TCF7L2: variants seen among roughly 807,000 people sequenced by gnomAD.
TCF7L2 encodes the protein transcription factor 7-like 2.
TCF7L2 carries 23 observed loss-of-function variants against 77.9 expected under a neutral mutation model. The ratio of observed to expected loss-of-function variants is 0.30; its 90% confidence interval spans 0.21 to 0.42. The LOEUF is 0.42. Ranked by LOEUF, TCF7L2 falls within the 10% of genes least tolerant of loss-of-function variation. The pLI is 1.00. For missense variants in TCF7L2, 654 were observed against 793.1 expected (o/e 0.82, Z 2.11); for synonymous variants, 413 against 340.2 (o/e 1.21, Z -2.36).
chr10:113,088,495 G>C (rs1317226234), intron 5 of TCF7L2, among the ~76,000 whole-genome samples: 1 of 152,232 alleles, frequency 6.6e-6, no homozygotes, highest in Non-Finnish European at 1.5e-5. Flanking sequence ...TAGGCCGTCA[G>C]TAAACTGTAG....
chr10:113,080,011 T>A (rs12184389), intron 5 of TCF7L2, among the ~76,000 whole-genome samples: 28,977 of 151,634 alleles, frequency 0.19, 3,421 homozygotes, highest in African/African-American at 0.33. Context: ...GACCCCTGCA[T>A]CTTATGTGTG....
chr10:112,986,279 C>T (rs1253618879), intron 4 of TCF7L2, among the ~76,000 whole-genome samples: 1 of 152,124 alleles, frequency 6.6e-6, no homozygotes, highest in Non-Finnish European at 1.5e-5. Context: ...CTCTCTTCCT[C>T]TCTTGCCTTT....
At chr10:113,150,361 T>C (rs1168141219) in intron 8 of TCF7L2, among the ~76,000 whole-genome samples, 3 of 152,066 alleles carry the variant, frequency 2.0e-5, no homozygotes, top group African/African-American at 7.2e-5. Flanking sequence ...TAGAAACTTA[T>C]TTAAAATGTC....
intron 5 of TCF7L2, among the ~76,000 whole-genome samples, chr10:113,121,598 A>G (rs2064785727): frequency 6.6e-6 from 1 of 152,226 alleles, no homozygotes. Context: ...GAGGGAAAAC[A>G]CTAACACAAA....
chr10:112,989,743 G>A (rs2042193975), intron 4 of TCF7L2, among the ~76,000 whole-genome samples: 2 of 152,172 alleles, frequency 1.3e-5, no homozygotes, highest in East Asian at 1.9e-4. Flanking sequence ...CAGCGTGATA[G>A]CATTTCATTT....
At chr10:113,096,851 G>C (rs1461836067) in intron 5 of TCF7L2, among the ~76,000 whole-genome samples, 1 of 152,096 alleles carries the variant, frequency 6.6e-6, no homozygotes, top group African/African-American at 2.4e-5. Flanking sequence ...GGGGAGGGTG[G>C]GGATGGGAAA....
intron 8 of TCF7L2, among the ~76,000 whole-genome samples, chr10:113,150,213 A>G (rs1032351959): frequency 2.0e-5 from 3 of 152,212 alleles, no homozygotes; most frequent in Admixed American, 6.5e-5. Context: ...AATGATGCCT[A>G]GACAACATAT....
At chr10:113,131,161 A>AC (rs1165851991) in intron 5 of TCF7L2, among the ~76,000 whole-genome samples, 62 of 152,310 alleles carry the variant, frequency 4.1e-4, no homozygotes, top group African/African-American at 1.1e-3. Flanking sequence ...TTATTGTATG[A>AC]CCAAACAGAA....
intron 3 of TCF7L2, among the ~76,000 whole-genome samples, chr10:112,960,149 T>C (rs1239922265): frequency 6.6e-6 from 1 of 152,218 alleles, no homozygotes; most frequent in East Asian, 1.9e-4. Context: ...AGGATTTCAA[T>C]TGTTTTAATT....
intron 5 of TCF7L2, among the ~76,000 whole-genome samples, chr10:113,123,051 A>T (rs1446897896): frequency 6.6e-6 from 1 of 152,206 alleles, no homozygotes; most frequent in Non-Finnish European, 1.5e-5. Context: ...CCCTCAGTAG[A>T]TCGGAGTTAG....
At chr10:113,040,171 G>T in intron 5 of TCF7L2, 45 bp downstream of exon 5, 1 of 1,549,258 alleles carries the variant, frequency 6.5e-7, no homozygotes. Flanking sequence ...TTGAGGGGGT[G>T]AAAAAGAAAA....
intron 4 of TCF7L2, among the ~76,000 whole-genome samples, chr10:112,999,861 C>T (rs1303875310): frequency 6.6e-6 from 1 of 152,314 alleles, no homozygotes; most frequent in South Asian, 2.1e-4. Flanking sequence ...GATTCAGAAG[C>T]TGGCCTGGGG....
At chr10:113,092,097 G>A (rs2060466154) in intron 5 of TCF7L2, among the ~76,000 whole-genome samples, 2 of 152,198 alleles carry the variant, frequency 1.3e-5, no homozygotes, top group South Asian at 4.1e-4. Context: ...CCCATTTTAA[G>A]TATGAGGAAA....
chr10:113,047,626 A>AT (rs906714196), intron 5 of TCF7L2, among the ~76,000 whole-genome samples: 5 of 152,242 alleles, frequency 3.3e-5, no homozygotes, highest in Non-Finnish European at 7.4e-5. Flanking sequence ...ATAACCTCAC[A>AT]TTTTTTTGTG....
chr10:113,127,013 T>G (rs2065759075), intron 5 of TCF7L2: 2 of 843,536 alleles, frequency 2.4e-6, no homozygotes, highest in Admixed American at 1.2e-4. Context: ...CCATGTTCGC[T>G]GTCACTTTGC....
intron 5 of TCF7L2, among the ~76,000 whole-genome samples, chr10:113,056,169 AT>A (rs978893289): frequency 1.3e-5 from 2 of 152,206 alleles, no homozygotes; most frequent in African/African-American, 4.8e-5. Flanking sequence ...CCTTGAAGCA[AT>A]TTTATCCCCA....
intron 6 of TCF7L2, among the ~76,000 whole-genome samples, chr10:113,142,998 TA>T: frequency 1.3e-5 from 2 of 152,336 alleles, no homozygotes; most frequent in African/African-American, 4.8e-5. Flanking sequence ...ATGAATTTTT[TA>T]AAAAATGAAG....
chr10:113,009,437 G>A (rs375250218), intron 4 of TCF7L2, among the ~76,000 whole-genome samples: 1 of 152,190 alleles, frequency 6.6e-6, no homozygotes, highest in Non-Finnish European at 1.5e-5. Context: ...ACTCTCGCCT[G>A]CATTCATTAT....
At chr10:113,091,852 A>G (rs1205385273) in intron 5 of TCF7L2, among the ~76,000 whole-genome samples, 3 of 152,172 alleles carry the variant, frequency 2.0e-5, no homozygotes, top group Non-Finnish European at 4.4e-5. Context: ...CATTCCCTTT[A>G]ACTGGCCTGG....
Sources: allele counts gnomAD v4.1 joint callset (sites outside exome capture counted in the v4.1 genomes callset), GRCh38; gene constraint gnomAD v4.1.1; transcripts MANE v1.5; gene names NCBI Gene and HGNC (gene_info 2026-07-23, HGNC 2026-07-21).